MVB12B: variants seen among roughly 807,000 people sequenced by gnomAD.
MVB12B encodes the protein multivesicular body subunit 12B, also known as ESCRT-I complex subunit MVB12B.
In MVB12B, 16 loss-of-function variants were observed where a neutral mutation model predicts 41.6. The ratio of observed to expected loss-of-function variants is 0.38; its 90% confidence interval spans 0.26 to 0.58. The LOEUF (loss-of-function observed/expected upper bound fraction) is 0.58, where lower values mean the gene tolerates loss of function less well. MVB12B is among the 20% of genes least tolerant of loss of function. The pLI, the probability that MVB12B is intolerant of heterozygous loss-of-function variation, is 0.62. For synonymous variants in MVB12B, 133 were observed against 139.7 expected, an observed-to-expected ratio of 0.95 and a Z score of 0.34; for missense variants, 274 against 380.2, an observed-to-expected ratio of 0.72 and a Z score of 2.32.
rs954591059 is a variant in MVB12B at position 126,386,622 on chromosome 9, G to A, written c.373G>A (p.Val125Met). Residue 125 changes from valine to methionine, a missense_variant, in exon 4 of 10, where the codon GTG becomes ATG. By Grantham distance (21) the Val-to-Met change is conservative. Transcript: ENST00000361171. This position sits in a 1 kb window ranked among gnomAD's most constrained non-coding sequence, Gnocchi z 4.3. The stretch of plus-strand genomic sequence containing the variant: ...CATTGACATCAAGGACACACTGCCT[G>A]TGGGCTTCATCCCAATTCAGGAGAC... ...KLIDIKDTLP[V>M]GFIPIQETVD... is the part of the protein sequence containing the mutation. The A allele has an allele frequency of 1.9e-6, 3 of 1,614,102 alleles. No individual in the cohort carries two copies. Among genetic ancestry groups the A allele is most frequent in the Non-Finnish European group, 1.7e-6 (2 of 1,179,958 alleles).
intron 4 of MVB12B, among the ~76,000 whole-genome samples, chr9:126,387,054 A>G (rs969087057): frequency 6.6e-6 from 1 of 152,138 alleles, no homozygotes; most frequent in Non-Finnish European, 1.5e-5. Flanking sequence ...AAGGCCAATA[A>G]TGTGCCCATT....
At chr9:126,474,120 G>T (rs1282741410) in intron 7 of MVB12B, among the ~76,000 whole-genome samples, 1 of 152,158 alleles carries the variant, frequency 6.6e-6, no homozygotes, top group Non-Finnish European at 1.5e-5. Context: ...CAGGCAGCGT[G>T]GGGGGATGAA....
intron 6 of MVB12B, among the ~76,000 whole-genome samples, chr9:126,410,584 A>C (rs1207281887): frequency 6.6e-6 from 1 of 152,194 alleles, no homozygotes; most frequent in African/African-American, 2.4e-5. Context: ...TGAAAATTCC[A>C]GGAACAAAGC....
At chr9:126,353,829 T>C (rs1829813580) in intron 2 of MVB12B, among the ~76,000 whole-genome samples, 1 of 152,242 alleles carries the variant, frequency 6.6e-6, no homozygotes. Context: ...AAAGCAATGC[T>C]GATGATGAGT....
At chr9:126,472,650 G>GT (rs1031484737) in intron 7 of MVB12B, among the ~76,000 whole-genome samples, 50 of 152,166 alleles carry the variant, frequency 3.3e-4, no homozygotes, top group Non-Finnish European at 6.8e-4. Context: ...TTGTTTTCTG[G>GT]TTTTTTTCTT....
chr9:126,464,865 G>GGGGGGCATGGGAATGCCAGTGCC (rs1833166161), intron 7 of MVB12B, among the ~76,000 whole-genome samples: 1 of 152,144 alleles, frequency 6.6e-6, no homozygotes, highest in Non-Finnish European at 1.5e-5. Flanking sequence ...GACTCCTTCT[G>GGGGGGCATGGGAATGCCAGTGCC]GGGGGCATGG....
intron 6 of MVB12B, among the ~76,000 whole-genome samples, chr9:126,403,950 CTTTT>C (rs36030597): frequency 7.1e-4 from 74 of 104,740 alleles, no homozygotes; most frequent in Admixed American, 9.7e-4. Context: ...TCCTTTAAAT[CTTTT>C]TTTTTTTTTT....
chr9:126,431,232 A>T (rs1214424926), intron 7 of MVB12B, among the ~76,000 whole-genome samples: 2 of 152,230 alleles, frequency 1.3e-5, no homozygotes, highest in Admixed American at 1.3e-4. Flanking sequence ...GGCTCAGCTC[A>T]GTACCCCCTG....
intron 7 of MVB12B, among the ~76,000 whole-genome samples, chr9:126,467,133 C>T (rs892954716): frequency 1.3e-5 from 2 of 152,114 alleles, no homozygotes; most frequent in African/African-American, 2.4e-5. Context: ...TGCGCCCAGC[C>T]GGAAATCAGA....
chr9:126,427,524 A>G (rs1406844533), intron 7 of MVB12B, among the ~76,000 whole-genome samples: 1 of 152,154 alleles, frequency 6.6e-6, no homozygotes, highest in Non-Finnish European at 1.5e-5. Context: ...GTGGGATGGG[A>G]AATGATACCA....
chr9:126,424,566 G>C (rs1427741188), intron 7 of MVB12B, among the ~76,000 whole-genome samples: 1 of 152,224 alleles, frequency 6.6e-6, no homozygotes, highest in Non-Finnish European at 1.5e-5. Context: ...ACCCATCCCT[G>C]TGAGATCCTT....
At position 126,333,416 on chromosome 9, in the gene MVB12B, T is replaced by A. The variant is rs1005923554; in HGVS notation, c.81+6406T>A. Among the ~76,000 whole-genome samples the A allele has an allele frequency of 6.6e-6, 1 of 151,568 alleles. No homozygotes were observed. Among genetic ancestry groups the A allele is most frequent in the Admixed American group, 6.6e-5 (1 of 15,222 alleles). ...CTGGTTTTATTTATTTACTTATTTA[T>A]TTTTTTGAGATGAGGTCTGGCTCTG... is the stretch of plus-strand genomic sequence containing the variant. On this transcript the variant is annotated intron_variant, in intron 1 of 9. Transcript: ENST00000361171. The surrounding 1 kb of genome is among the most constrained non-coding windows in gnomAD (Gnocchi z 4.7).
intron 6 of MVB12B, among the ~76,000 whole-genome samples, chr9:126,403,950 CTTTTTTTTTTTT>C (rs36030597): frequency 1.4e-4 from 15 of 104,732 alleles, no homozygotes; most frequent in African/African-American, 5.0e-4. Flanking sequence ...TCCTTTAAAT[CTTTTTTTTTTTT>C]TTTTTTTTTT....
intron 2 of MVB12B, among the ~76,000 whole-genome samples, chr9:126,372,323 T>A (rs1365014402): frequency 6.6e-6 from 1 of 152,254 alleles, no homozygotes; most frequent in Non-Finnish European, 1.5e-5. Context: ...GAAAACATGC[T>A]GTCATGAACA....
intron 7 of MVB12B, among the ~76,000 whole-genome samples, chr9:126,476,813 C>A (rs1177973299): frequency 7.2e-6 from 1 of 139,606 alleles, no homozygotes; most frequent in African/African-American, 2.7e-5. Context: ...GGAGGAGGAG[C>A]TTGCAGTGAG....
intron 6 of MVB12B, among the ~76,000 whole-genome samples, chr9:126,411,291 T>C (rs1034990878): frequency 1.3e-5 from 2 of 152,222 alleles, no homozygotes; most frequent in African/African-American, 4.8e-5. Context: ...TATAGGAGAT[T>C]TATGTTCGTG....
At chr9:126,433,919 C>G (rs963465238) in intron 7 of MVB12B, among the ~76,000 whole-genome samples, 7 of 152,056 alleles carry the variant, frequency 4.6e-5, no homozygotes, top group African/African-American at 7.2e-5. Context: ...GGTAAACTCT[C>G]GATGGCCTGC....
At chr9:126,488,735 C>T (rs932420760) in intron 9 of MVB12B, among the ~76,000 whole-genome samples, 1 of 152,188 alleles carries the variant, frequency 6.6e-6, no homozygotes, top group African/African-American at 2.4e-5. Context: ...GAAGTGTGAG[C>T]CCTGAGGCAG....
intron 9 of MVB12B, among the ~76,000 whole-genome samples, chr9:126,489,480 C>T (rs1358429938): frequency 6.6e-6 from 1 of 152,220 alleles, no homozygotes; most frequent in Non-Finnish European, 1.5e-5. Context: ...ATGAAAAATG[C>T]CCAAGGACGG....
Sources: gnomAD v4.1 joint callset for allele counts (sites outside exome capture counted in the v4.1 genomes callset) on GRCh38, gnomAD v4.1.1 for gene constraint, Gnocchi (gnomAD v3.1) non-coding constraint, MANE v1.5 for transcripts, NCBI Gene and HGNC (gene_info 2026-07-23, HGNC 2026-07-21) for gene names.